The following MOCOS variants were observed in gnomAD, a reference collection of about 807,000 sequenced individuals.
MOCOS encodes the protein molybdenum cofactor sulfurase, also known as human molybdenum cofactor sulfurase.
In MOCOS, 86 loss-of-function variants were observed where a neutral mutation model predicts 83.6. The observed-to-expected ratio is 1.03, with a 90% CI of 0.86 to 1.23. The LOEUF is 1.23. Among genes scored for constraint, MOCOS ranks in the 50% most tolerant of loss-of-function variants. The pLI is 0.00. For synonymous variants in MOCOS, 445 were observed against 434.7 expected (o/e 1.02, Z -0.29); for missense variants, 1,120 against 1,126.9 (o/e 0.99, Z 0.09).
chr18:36,232,964 C>T (rs1320343595), intron 9 of MOCOS, among the ~76,000 whole-genome samples: 2 of 151,748 alleles, frequency 1.3e-5, no homozygotes, highest in African/African-American at 4.8e-5. Flanking sequence ...AATAGTGCTG[C>T]AATAAAAATG....
chr18:36,223,345 C>T (rs1036308932), intron 9 of MOCOS, among the ~76,000 whole-genome samples: 2 of 152,198 alleles, frequency 1.3e-5, no homozygotes, highest in Non-Finnish European at 2.9e-5. Flanking sequence ...GTTGAAAAGA[C>T]TATCTTTTCT....
At chr18:36,246,604 G>A (rs1331760004) in intron 9 of MOCOS, among the ~76,000 whole-genome samples, 1 of 152,240 alleles carries the variant, frequency 6.6e-6, no homozygotes, top group African/African-American at 2.4e-5. Context: ...GTCCTTGGTT[G>A]TAGTTTTGTT....
At chr18:36,238,049 G>A (rs1169019970) in intron 9 of MOCOS, among the ~76,000 whole-genome samples, 5 of 150,512 alleles carry the variant, frequency 3.3e-5, no homozygotes, top group African/African-American at 9.8e-5. Context: ...TCTTGCTAGT[G>A]GTCTATCAAT....
At chr18:36,232,655 C>G (rs1231071594) in intron 9 of MOCOS, among the ~76,000 whole-genome samples, 4 of 151,998 alleles carry the variant, frequency 2.6e-5, no homozygotes, top group Non-Finnish European at 5.9e-5. Flanking sequence ...TTATCCTACC[C>G]GTCCCTGCTT....
At chr18:36,255,709 C>A (rs676300) in intron 11 of MOCOS, among the ~76,000 whole-genome samples, 64,641 of 151,840 alleles carry the variant, frequency 0.43, 14,255 homozygotes, top group Admixed American at 0.55. Flanking sequence ...GGTCCACACA[C>A]CTGATTTGGA....
chr18:36,231,466 G>A (rs768554559), intron 9 of MOCOS, among the ~76,000 whole-genome samples: 6 of 152,084 alleles, frequency 3.9e-5, no homozygotes, highest in South Asian at 2.1e-4. Flanking sequence ...TGCATGTTAC[G>A]CATTCCTTTA....
intron 4 of MOCOS, among the ~76,000 whole-genome samples, chr18:36,200,889 G>C (rs2091411233): frequency 6.6e-6 from 1 of 152,248 alleles, no homozygotes; most frequent in Admixed American, 6.5e-5. Context: ...CTGTGAGTGA[G>C]TTACAGAGGG....
At chr18:36,264,484 A>T (rs2091674741) in intron 13 of MOCOS, among the ~76,000 whole-genome samples, 1 of 152,136 alleles carries the variant, frequency 6.6e-6, no homozygotes, top group African/African-American at 2.4e-5. Context: ...GCCTCGTTCC[A>T]CTGCAGGGAT....
intron 9 of MOCOS, among the ~76,000 whole-genome samples, chr18:36,238,308 T>C (rs1238458555): frequency 2.1e-4 from 32 of 151,336 alleles, no homozygotes; most frequent in African/African-American, 6.6e-4. Flanking sequence ...GCTTTGAATG[T>C]GTCCCAGAGA....
chr18:36,266,463 G>A (rs2091682283), intron 13 of MOCOS, among the ~76,000 whole-genome samples: 1 of 152,036 alleles, frequency 6.6e-6, no homozygotes, highest in African/African-American at 2.4e-5. Flanking sequence ...TTTCCAATTT[G>A]TCTTCCCAGT....
rs947694024 is a variant in MOCOS, at chr18:36,235,001, G to C, written c.1961-13921G>C. On this transcript the variant is annotated intron_variant, in intron 9 of 14. Transcript: ENST00000261326. ...CCTTGATATCTAGGGATCACAACTT[G>C]AGATGAGATTTGGATGGGGATACAG... Among the ~76,000 whole-genome samples, 6 of 152,050 alleles carry C rather than the reference G, an allele frequency of 3.9e-5. No individual in the cohort carries two copies. In the South Asian group the frequency reaches 1.2e-3, roughly 32 times the overall value.
At chr18:36,253,805 G>T (rs116206757) in intron 11 of MOCOS, among the ~76,000 whole-genome samples, 2,784 of 152,224 alleles carry the variant, frequency 0.018, 87 homozygotes, top group African/African-American at 0.064. Context: ...AGTGACGGGG[G>T]ATAGATGGGG....
At chr18:36,263,262 C>T (rs2091670214) in intron 13 of MOCOS, among the ~76,000 whole-genome samples, 1 of 152,156 alleles carries the variant, frequency 6.6e-6, no homozygotes, top group African/African-American at 2.4e-5. Context: ...CTTATAATTT[C>T]ATTTTGGGAG....
At chr18:36,246,784 G>A (rs1239346036) in intron 9 of MOCOS, among the ~76,000 whole-genome samples, 1 of 152,212 alleles carries the variant, frequency 6.6e-6, no homozygotes, top group Non-Finnish European at 1.5e-5. Flanking sequence ...GGCTTGAGTT[G>A]ATTGGCCTCC....
At chr18:36,212,986 A>T (rs1387148753) in intron 6 of MOCOS, among the ~76,000 whole-genome samples, 1 of 152,188 alleles carries the variant, frequency 6.6e-6, no homozygotes, top group African/African-American at 2.4e-5. Context: ...GAGCTTTGGG[A>T]ACTTCTGGAC....
rs1031882889 is a variant in MOCOS, at chr18:36,200,208, G to T, written c.825G>T (p.Leu275=). The T allele has an allele frequency of 6.8e-6, 11 of 1,614,090 alleles. No individual in the cohort carries two copies. The highest frequency in any genetic ancestry group is 9.3e-6 in the Non-Finnish European group (11 of 1,180,048). ...IFGFPTGLGA[L]LVHNRAAPLL... ...GGTTTCCTACAGGCCTGGGCGCTCT[G>T]CTGGTCCATAATCGTGCGGCTCCTC... Residue 275 remains leucine (L), a synonymous_variant, in exon 4 of 15, where the codon CTG becomes CTT. Transcript: ENST00000261326.
rs200205047 is a variant in MOCOS, at chr18:36,200,267, C to A, written c.884C>A (p.Ala295Asp). The A allele has an allele frequency of 1.2e-5, 19 of 1,614,104 alleles. No individual in the cohort carries two copies. Among genetic ancestry groups the A allele is most frequent in the South Asian group, 2.2e-5 (2 of 91,074 alleles). ...AAGACCTACTTTGGAGGAGGGACAG[C>A]CTCTGCGTACCTAGCAGGAGAAGAC... is the stretch of plus-strand genomic sequence containing the variant. ...LRKTYFGGGT[A>D]SAYLAGEDFY... The change falls in exon 4 of 15, where the codon GCC becomes GAC. Residue 295 changes from alanine to aspartate, a missense_variant. By Grantham distance (126) the Ala-to-Asp change is moderately radical. Transcript: ENST00000261326.
intron 4 of MOCOS, among the ~76,000 whole-genome samples, chr18:36,201,071 G>C (rs925827719): frequency 6.6e-6 from 1 of 152,232 alleles, no homozygotes; most frequent in African/African-American, 2.4e-5. Context: ...GCTGAAAATG[G>C]TGGCTGATCC....
intron 9 of MOCOS, among the ~76,000 whole-genome samples, chr18:36,222,349 A>G (rs1462647578): frequency 6.6e-6 from 1 of 152,180 alleles, no homozygotes; most frequent in Admixed American, 6.5e-5. Context: ...CATACCCACC[A>G]GTGGTTGCAA....
Sources: gnomAD v4.1 joint callset for allele counts (sites outside exome capture counted in the v4.1 genomes callset) on GRCh38, gnomAD v4.1.1 for gene constraint, MANE v1.5 for transcripts, NCBI Gene and HGNC (gene_info 2026-07-23, HGNC 2026-07-21) for gene names.